Variants in SMYD3 observed in about 807,000 individuals in gnomAD.
SMYD3 encodes the protein histone-lysine N-methyltransferase SMYD3.
SMYD3 carries 36 observed loss-of-function variants against 57.7 expected under a neutral mutation model. The ratio of observed to expected loss-of-function variants is 0.62; its 90% confidence interval spans 0.48 to 0.82. SMYD3 has a LOEUF of 0.82. SMYD3 is among the 40% of genes least tolerant of loss of function. SMYD3 has a pLI of 0.00. For missense variants in SMYD3, 515 were observed against 538.8 expected (o/e 0.96, Z 0.44); for synonymous variants, 211 against 195.0 (o/e 1.08, Z -0.68).
intron 5 of SMYD3, among the ~76,000 whole-genome samples, chr1:246,264,233 A>C (rs2064064076): frequency 6.6e-6 from 1 of 152,194 alleles, no homozygotes; most frequent in Non-Finnish European, 1.5e-5. Flanking sequence ...ATTGTTCTGA[A>C]TATAATAATT....
intron 1 of SMYD3, among the ~76,000 whole-genome samples, chr1:246,401,463 A>G (rs1214256692): frequency 6.6e-6 from 1 of 151,952 alleles, no homozygotes; most frequent in Non-Finnish European, 1.5e-5. Context: ...CCTACCAAGT[A>G]GCTGGATTAC....
intron 8 of SMYD3, among the ~76,000 whole-genome samples, chr1:245,883,538 G>A (rs1320742044): frequency 6.6e-6 from 1 of 152,148 alleles, no homozygotes; most frequent in Non-Finnish European, 1.5e-5. Context: ...ATCAGGACTG[G>A]AGTCAAGAAG....
chr1:246,267,615 C>A (rs2064133833), intron 5 of SMYD3, among the ~76,000 whole-genome samples: 1 of 152,196 alleles, frequency 6.6e-6, no homozygotes, highest in Admixed American at 6.5e-5. Flanking sequence ...CTCCTCCTCT[C>A]CTGTCTGCCT....
chr1:246,106,302 T>C (rs2061119089), intron 5 of SMYD3, among the ~76,000 whole-genome samples: 1 of 152,216 alleles, frequency 6.6e-6, no homozygotes, highest in Non-Finnish European at 1.5e-5. Flanking sequence ...GTTATAAGCA[T>C]ACAACAAAAT....
At chr1:245,871,130 A>G (rs185324961) in intron 8 of SMYD3, among the ~76,000 whole-genome samples, 1 of 152,214 alleles carries the variant, frequency 6.6e-6, no homozygotes, top group South Asian at 2.1e-4. Context: ...AAACGGAAGA[A>G]AGGTTTTTAG....
intron 1 of SMYD3, among the ~76,000 whole-genome samples, chr1:246,457,545 A>G (rs1407256613): frequency 1.4e-5 from 1 of 70,438 alleles, no homozygotes; most frequent in Non-Finnish European, 3.4e-5. Context: ...AAAAAAAAAA[A>G]AAAGAAAAGA....
intron 1 of SMYD3, among the ~76,000 whole-genome samples, chr1:246,383,824 T>C (rs556883889): frequency 1.6e-4 from 25 of 152,314 alleles, no homozygotes; most frequent in Non-Finnish European, 3.4e-4. Flanking sequence ...CCAGAATAAA[T>C]GCCAACATGT....
intron 8 of SMYD3, among the ~76,000 whole-genome samples, chr1:245,896,718 C>T (rs2053828627): frequency 6.6e-6 from 1 of 152,290 alleles, no homozygotes; most frequent in Non-Finnish European, 1.5e-5. Context: ...CCAAACAGAG[C>T]CATGCTCTCT....
At chr1:246,490,974 C>T (rs12059646) in intron 1 of SMYD3, among the ~76,000 whole-genome samples, 1,595 of 124,772 alleles carry the variant, frequency 0.013, 37 homozygotes, top group African/African-American at 0.038. Context: ...CAAAATACTT[C>T]CACATGTTTT....
chr1:246,242,075 T>TA (rs2063622383), intron 5 of SMYD3, among the ~76,000 whole-genome samples: 1 of 152,132 alleles, frequency 6.6e-6, no homozygotes, highest in Admixed American at 6.5e-5. Flanking sequence ...GGGTTTTTTT[T>TA]GTGTCTCTAT....
intron 10 of SMYD3, among the ~76,000 whole-genome samples, chr1:245,812,994 T>A (rs2048565742): frequency 6.9e-6 from 1 of 145,364 alleles, no homozygotes; most frequent in African/African-American, 2.5e-5. Flanking sequence ...GCCATGGTCA[T>A]GAGACAGCTT....
intron 1 of SMYD3, among the ~76,000 whole-genome samples, chr1:246,454,474 A>G (rs1329265641): frequency 6.6e-6 from 1 of 152,240 alleles, no homozygotes; most frequent in East Asian, 1.9e-4. Flanking sequence ...TCCCATATAT[A>G]TTACAGGAAT....
chr1:246,143,416 C>G (rs558404989), intron 5 of SMYD3, among the ~76,000 whole-genome samples: 1 of 152,148 alleles, frequency 6.6e-6, no homozygotes, highest in Non-Finnish European at 1.5e-5. Context: ...GGTGCTCACA[C>G]CTGTAATCCC....
intron 1 of SMYD3, among the ~76,000 whole-genome samples, chr1:246,440,774 T>C (rs2067450655): frequency 6.6e-6 from 1 of 152,286 alleles, no homozygotes; most frequent in African/African-American, 2.4e-5. Flanking sequence ...CACAGAAAGA[T>C]ACAAGTTCAC....
intron 5 of SMYD3, among the ~76,000 whole-genome samples, chr1:246,020,722 G>C (rs10924449): frequency 0.2 from 30,675 of 151,978 alleles, 3,743 homozygotes; most frequent in East Asian, 0.56. Context: ...ATAATCAGTC[G>C]CATTTTATAG....
At chr1:246,306,325 T>C (rs2148623266) in intron 5 of SMYD3, among the ~76,000 whole-genome samples, 1 of 152,154 alleles carries the variant, frequency 6.6e-6, no homozygotes, top group Middle Eastern at 3.4e-3. Flanking sequence ...CCAGCATGGG[T>C]GACAGAGCAA....
intron 10 of SMYD3, among the ~76,000 whole-genome samples, chr1:245,790,809 C>A (rs2047237521): frequency 6.6e-6 from 1 of 152,124 alleles, no homozygotes; most frequent in Admixed American, 6.5e-5. Flanking sequence ...GATTTGAATC[C>A]AAGACTGGAT....
intron 5 of SMYD3, among the ~76,000 whole-genome samples, chr1:245,942,488 T>C (rs1457358124): frequency 6.6e-6 from 1 of 152,172 alleles, no homozygotes; most frequent in Non-Finnish European, 1.5e-5. Context: ...AACAAGTTCT[T>C]AGAGACCTAC....
At chr1:245,921,417 A>G (rs1397621700) in intron 7 of SMYD3, among the ~76,000 whole-genome samples, 1 of 152,176 alleles carries the variant, frequency 6.6e-6, no homozygotes, top group African/African-American at 2.4e-5. Flanking sequence ...ATTACTGGGT[A>G]TATACCCAAA....
Sources: allele counts gnomAD v4.1 joint callset (sites outside exome capture counted in the v4.1 genomes callset), GRCh38; gene constraint gnomAD v4.1.1; transcripts MANE v1.5; gene names NCBI Gene and HGNC (gene_info 2026-07-23, HGNC 2026-07-21).